Variants in CFAP20DC observed in about 807,000 individuals in gnomAD.
CFAP20DC encodes protein CFAP20DC.
A neutral mutation model predicts 101.7 loss-of-function variants in CFAP20DC; 84 were observed. The observed-to-expected ratio is 0.83, with a 90% CI of 0.69 to 0.99. The LOEUF (loss-of-function observed/expected upper bound fraction) is 0.99. CFAP20DC is among the 50% of genes least tolerant of loss of function. The pLI is 0.00. For synonymous variants in CFAP20DC, 359 were observed against 351.2 expected (o/e 1.02, Z -0.25); for missense variants, 1,007 against 970.3 (o/e 1.04, Z -0.50).
intron 12 of CFAP20DC, chr3:58,862,351 T>C: frequency 9.1e-6 from 9 of 985,452 alleles, no homozygotes; most frequent in Non-Finnish European, 1.1e-5. Flanking sequence ...TCCATGTTTT[T>C]ATAGCTTTAT....
intron 7 of CFAP20DC, among the ~76,000 whole-genome samples, chr3:58,876,048 C>T (rs1438608018): frequency 1.3e-5 from 2 of 151,942 alleles, no homozygotes; most frequent in East Asian, 1.9e-4. Flanking sequence ...AGTAATCTAC[C>T]ACAGTATATT....
At chr3:59,031,112 G>A (rs910277391) in intron 4 of CFAP20DC, among the ~76,000 whole-genome samples, 2 of 152,154 alleles carry the variant, frequency 1.3e-5, no homozygotes, top group African/African-American at 2.4e-5. Flanking sequence ...TTGAGCCGCC[G>A]TGCCTGGCCA....
rs149306138 is a variant in CFAP20DC at position 58,797,648 on chromosome 3, A to G, written c.2237+8747T>C. 2.4e-4 allele frequency among the ~76,000 whole-genome samples: 36 copies of G among 152,320 alleles called. No individual in the cohort carries two copies. The East Asian group carries it at 5.8e-3, about 25-fold the overall frequency. Reference sequence around the variant, plus strand: ...GACTACATTAAATAATAGGTTTTCAATGTAGACAAAACAGTCTTCTATTGG... The same window carrying G: ...GACTACATTAAATAATAGGTTTTCAGTGTAGACAAAACAGTCTTCTATTGG... On this transcript the variant is annotated intron_variant, in intron 15 of 16. Transcript: ENST00000482387.
At chr3:58,945,513 A>G (rs2089232244) in intron 4 of CFAP20DC, among the ~76,000 whole-genome samples, 2 of 152,116 alleles carry the variant, frequency 1.3e-5, no homozygotes, top group Admixed American at 1.3e-4. Context: ...TTTGGAGGCT[A>G]ATCTTATTTT....
chr3:58,854,625 T>C (rs2078589907), intron 12 of CFAP20DC, among the ~76,000 whole-genome samples: 1 of 152,118 alleles, frequency 6.6e-6, no homozygotes, highest in Non-Finnish European at 1.5e-5. Flanking sequence ...ATGGTACTGG[T>C]ACCAAAACAG....
chr3:58,753,880 G>C lies in CFAP20DC; in HGVS notation c.2238-17C>G. ...AACCAGTCCCTAAAAAGAAAACAAA[G>C]TGAATGAGCATGTCTGGAATTCCAT... On this transcript the variant is annotated splice_polypyrimidine_tract_variant and intron_variant, in intron 15 of 16. Coordinates refer to ENST00000482387, the MANE Select transcript of CFAP20DC (RefSeq NM_001394063.1). 1 of 1,532,530 alleles carries C rather than the reference G, an allele frequency of 6.5e-7. No homozygotes were observed. The allele number at this position is 1,532,530 out of a possible 1,614,324, so 94.9% of individuals were successfully genotyped here.
rs1259964709 is a variant in CFAP20DC at position 58,912,538 on chromosome 3, G to C, written c.550+1170C>G. On this transcript the variant is annotated intron_variant, in intron 6 of 16. Transcript: ENST00000482387. This position sits in a 1 kb window ranked among gnomAD's most constrained non-coding sequence, Gnocchi z 4.4. ...CACCCAGATGGAGCACAAATCTGAA[G>C]TCTAGATAGAAACTTCTAAGTAATC... 3.0e-6 allele frequency: 1 copy of C among 335,370 alleles called. No homozygotes were observed. The highest frequency in any genetic ancestry group is 5.8e-6 in the Non-Finnish European group (1 of 171,310). 20.8% of individuals were successfully genotyped at this position (335,370 alleles called of 1,614,324 possible).
At position 59,006,171 on chromosome 3, in the gene CFAP20DC, C is replaced by T. The variant is rs1054447224; in HGVS notation, c.278+33386G>A. ...TGGATGGATGGACGGGGAGGAGGGG[C>T]GAATAGGTTAGAATGTAGACAGTGG... is the stretch of plus-strand genomic sequence containing the variant. On this transcript the variant is annotated intron_variant, in intron 4 of 16. Transcript: ENST00000482387. This position sits in a 1 kb window ranked among gnomAD's most constrained non-coding sequence, Gnocchi z 4.3. 1.3e-5 allele frequency among the ~76,000 whole-genome samples: 2 copies of T among 151,736 alleles called. No homozygotes were observed. The highest frequency in any genetic ancestry group is 4.8e-5 in the African/African-American group (2 of 41,282).
chr3:58,955,700 G>C (rs1576473783), intron 4 of CFAP20DC, among the ~76,000 whole-genome samples: 2 of 151,950 alleles, frequency 1.3e-5, no homozygotes, highest in South Asian at 4.2e-4. Flanking sequence ...CAGTGAACTG[G>C]GGGGGCATGT....
chr3:58,822,440 G>A (rs1030784414), intron 14 of CFAP20DC, among the ~76,000 whole-genome samples: 30 of 150,968 alleles, frequency 2.0e-4, no homozygotes, highest in Non-Finnish European at 4.0e-4. Context: ...ACTGTTGTGG[G>A]GTGGTGGGAG....
intron 15 of CFAP20DC, among the ~76,000 whole-genome samples, chr3:58,793,141 T>C (rs1276633755): frequency 5.3e-5 from 8 of 152,168 alleles, no homozygotes; most frequent in South Asian, 2.1e-4. Context: ...CAGAGTGTTA[T>C]TGTAGTTTAA....
At chr3:59,045,363 AG>A (rs1202510790) in intron 3 of CFAP20DC, among the ~76,000 whole-genome samples, 1 of 152,142 alleles carries the variant, frequency 6.6e-6, no homozygotes, top group African/African-American at 2.4e-5. Context: ...GAATGAAAGA[AG>A]GAATAAGTAA....
intron 5 of CFAP20DC, among the ~76,000 whole-genome samples, chr3:58,928,926 T>C (rs1487615458): frequency 2.0e-5 from 3 of 152,166 alleles, no homozygotes; most frequent in Non-Finnish European, 2.9e-5. Context: ...CTCCTTTTTT[T>C]TATATTCTCT....
At chr3:58,723,641 G>T (rs1211425553) in intron 3 of CFAP20DC, among the ~76,000 whole-genome samples, 1 of 152,204 alleles carries the variant, frequency 6.6e-6, no homozygotes, top group East Asian at 1.9e-4. Flanking sequence ...GCAGATTGTG[G>T]TGACAGGCAG....
At chr3:58,749,017 C>T (rs191663416) in intron 16 of CFAP20DC, among the ~76,000 whole-genome samples, 14 of 152,292 alleles carry the variant, frequency 9.2e-5, no homozygotes, top group Admixed American at 9.2e-4. Context: ...CACAATGGTG[C>T]TTTATTAATG....
Position 58,799,080 on chromosome 3 carries a change from A to G in CFAP20DC, c.2237+7315T>C, listed in dbSNP as rs1223706692. On this transcript the variant is annotated intron_variant, in intron 15 of 16. Transcript: ENST00000482387. The surrounding 1 kb of genome is among the most constrained non-coding windows in gnomAD (Gnocchi z 4.9). ...TTGTATGTATATATATAATGTGTATATATGTATGTGTATGCATATAAATAA... is the reference window on the plus strand; with the variant it reads ...TTGTATGTATATATATAATGTGTATGTATGTATGTGTATGCATATAAATAA... 6.6e-6 allele frequency among the ~76,000 whole-genome samples: 1 copy of G among 152,100 alleles called. No individual in the cohort carries two copies. Among genetic ancestry groups the G allele is most frequent in the Non-Finnish European group, 1.5e-5 (1 of 68,016 alleles).
intron 4 of CFAP20DC, among the ~76,000 whole-genome samples, chr3:59,019,724 A>G (rs2093764416): frequency 6.6e-6 from 1 of 152,080 alleles, no homozygotes; most frequent in Non-Finnish European, 1.5e-5. Context: ...GATGTCATGT[A>G]TTTGCTTTTG....
At chr3:58,875,717 T>G (rs1054463545) in intron 7 of CFAP20DC, among the ~76,000 whole-genome samples, 1 of 152,202 alleles carries the variant, frequency 6.6e-6, no homozygotes, top group Non-Finnish European at 1.5e-5. Context: ...GAGCCCAGCT[T>G]AGCCTATTGT....
At chr3:58,834,958 T>C (rs1335530900) in intron 13 of CFAP20DC, among the ~76,000 whole-genome samples, 1 of 152,160 alleles carries the variant, frequency 6.6e-6, no homozygotes, top group East Asian at 1.9e-4. Flanking sequence ...TTGTTTTCAA[T>C]TTTTCTTCCT....
Sources: allele counts gnomAD v4.1 joint callset (sites outside exome capture counted in the v4.1 genomes callset), GRCh38; gene constraint gnomAD v4.1.1; non-coding constraint Gnocchi (gnomAD v3.1); transcripts MANE v1.5; gene names NCBI Gene and HGNC (gene_info 2026-07-23, HGNC 2026-07-21).